GPR21: variants seen among roughly 807,000 people sequenced by gnomAD.
GPR21 encodes the protein probable G protein-coupled receptor 21.
A neutral mutation model predicts 21.5 loss-of-function variants in GPR21; 9 were observed. The ratio of observed to expected loss-of-function variants is 0.42; its 90% confidence interval spans 0.25 to 0.73. The LOEUF (loss-of-function observed/expected upper bound fraction) is 0.73. Among genes scored for constraint, GPR21 ranks in the 30% least tolerant of loss-of-function variants. GPR21 has a pLI of 0.27. For missense variants in GPR21, 416 were observed against 428.9 expected, an observed-to-expected ratio of 0.97 and a Z score of 0.27; for synonymous variants, 169 against 159.3, an observed-to-expected ratio of 1.06 and a Z score of -0.46.
In GPR21 at chr9:123,034,274, C is replaced by G. The variant is rs958839066; in HGVS notation, c.-293C>G. 2.3e-6 allele frequency: 1 copy of G among 439,830 alleles called. No individual in the cohort carries two copies. The highest frequency in any genetic ancestry group is 4.0e-6 in the Non-Finnish European group (1 of 250,792). 27.2% of individuals were successfully genotyped at this position (439,830 alleles called of 1,614,324 possible). A position where few individuals can be genotyped will look rare whatever the true frequency, so the allele number is the denominator to read the frequency against. On this transcript the variant is annotated 5_prime_UTR_variant, in exon 2 of 2. Coordinates refer to ENST00000616002, the MANE Select transcript of GPR21 (RefSeq NM_005294.3). ...CTCACTTGGCCTGAAGACGTTCTCC[C>G]CAGAGTTTACCTTGCTCCCCTGGTG...
chr9:123,039,929 T>A (rs1184134347), downstream of GPR21, among the ~76,000 whole-genome samples: 1 of 152,216 alleles, frequency 6.6e-6, no homozygotes, highest in Non-Finnish European at 1.5e-5. Context: ...CTATTGGTCA[T>A]GTATCCAGAA....
At chr9:123,037,702 T>C (rs2032734596), downstream of GPR21, among the ~76,000 whole-genome samples, 1 of 152,200 alleles carries the variant, frequency 6.6e-6, no homozygotes, top group Non-Finnish European at 1.5e-5. Flanking sequence ...TGATATTAAA[T>C]CAGCAGGTTT....
the GPR21 span, among the ~76,000 whole-genome samples, chr9:123,048,026 G>A: frequency 1.5e-5 from 2 of 131,960 alleles, no homozygotes; most frequent in East Asian, 2.4e-4. Context: ...GCGAACCTCC[G>A]CCTCCCAGGT....
chr9:123,042,713 G>T, the GPR21 span, among the ~76,000 whole-genome samples: 2 of 152,154 alleles, frequency 1.3e-5, no homozygotes, highest in East Asian at 3.9e-4. Context: ...GAACCCAATA[G>T]CTGACTAACA....
rs1223172719 is a variant in GPR21 at position 123,034,226 on chromosome 9, C to G, written c.-341C>G. The G allele has an allele frequency of 9.6e-6, 3 of 311,034 alleles. No homozygotes were observed. Among genetic ancestry groups the G allele is most frequent in the Non-Finnish European group, 1.8e-5 (3 of 171,188 alleles). The allele number at this position is 311,034 out of a possible 1,614,324, so 19.3% of individuals were successfully genotyped here. A position where few individuals can be genotyped will look rare whatever the true frequency, so the allele number is the denominator to read the frequency against. On this transcript the variant is annotated 5_prime_UTR_variant, in exon 2 of 2. Coordinates refer to ENST00000616002, the MANE Select transcript of GPR21 (RefSeq NM_005294.3). ...CTGAAGCTCCTAATCTTCTTCCCTT[C>G]TCTTCTACCCTTTCCCCCTACCCTC...
chr9:123,043,657 G>A, the GPR21 span, among the ~76,000 whole-genome samples: 3 of 148,756 alleles, frequency 2.0e-5, no homozygotes, highest in Non-Finnish European at 4.5e-5. Flanking sequence ...AGGAGGGTGG[G>A]TGTAACAGAG....
At chr9:123,049,095 T>G in the GPR21 span, among the ~76,000 whole-genome samples, 4 of 152,360 alleles carry the variant, frequency 2.6e-5, no homozygotes, top group East Asian at 7.7e-4. Context: ...AGCCATCTTT[T>G]CTGAGGAAGT....
At chr9:123,047,373 T>C in the GPR21 span, among the ~76,000 whole-genome samples, 1 of 152,214 alleles carries the variant, frequency 6.6e-6, no homozygotes, top group African/African-American at 2.4e-5. Flanking sequence ...TCATAAGTTG[T>C]CTAGTAACTT....
chr9:123,038,667 C>T (rs536732526), downstream of GPR21, among the ~76,000 whole-genome samples: 3 of 151,724 alleles, frequency 2.0e-5, no homozygotes, highest in Admixed American at 1.3e-4. Context: ...TTTTTGAAGT[C>T]CTCATAAATC....
the GPR21 span, among the ~76,000 whole-genome samples, chr9:123,045,006 A>G: frequency 6.6e-6 from 1 of 152,254 alleles, no homozygotes; most frequent in Admixed American, 6.5e-5. Flanking sequence ...TTTGCAAATT[A>G]AAAAACCTAT....
At chr9:123,040,670 T>A in the GPR21 span, among the ~76,000 whole-genome samples, 3 of 152,194 alleles carry the variant, frequency 2.0e-5, no homozygotes, top group East Asian at 5.8e-4. Flanking sequence ...TTATGATTTT[T>A]TTATTATTCA....
rs931181832 is a variant in GPR21 at position 123,035,154 on chromosome 9, G to T, written c.588G>T (p.Val196=). ...HTDSYFTLFI[V]MMLYAPAALI... is the part of the protein sequence containing the mutation. ...ACTCCTACTTCACCCTGTTCATCGT[G>T]ATGATGTTATATGCCCCAGCAGCCC... The change falls in exon 2 of 2, where the codon GTG becomes GTT. Residue 196 remains valine (V), a synonymous_variant. Transcript: ENST00000616002. The T allele has an allele frequency of 1.9e-6, 3 of 1,614,028 alleles. No homozygotes were observed. The African/African-American group carries it at 4.0e-5, about 22-fold the overall frequency.
At chr9:123,046,390 C>G in the GPR21 span, among the ~76,000 whole-genome samples, 1 of 152,000 alleles carries the variant, frequency 6.6e-6, no homozygotes. Flanking sequence ...GCTTAAAAGG[C>G]CTGATGAAGG....
downstream of GPR21, among the ~76,000 whole-genome samples, chr9:123,036,440 GC>G (rs1430040962): frequency 6.6e-6 from 1 of 152,172 alleles, no homozygotes; most frequent in Non-Finnish European, 1.5e-5. Context: ...ATGTGCTTAA[GC>G]TAAAAAGTAA....
In GPR21 at chr9:123,034,748, A is replaced by G; in HGVS notation, c.182A>G (p.His61Arg). ...FVFHCAPLLN[H>R]HTTSYFIQTM... The stretch of plus-strand genomic sequence containing the variant: ...TTTCACTGTGCACCTTTGTTGAACC[A>G]TCACACTACAAGTTATTTTATCCAG... Residue 61 changes from histidine to arginine, a missense_variant, in exon 2 of 2, where the codon CAT (histidine) becomes CGT (arginine). His to Arg is a conservative substitution (Grantham distance 29). Coordinates refer to ENST00000616002, the MANE Select transcript of GPR21 (RefSeq NM_005294.3). 1 of 1,613,948 alleles carries G rather than the reference A, an allele frequency of 6.2e-7. No individual in the cohort carries two copies. Among genetic ancestry groups the G allele is most frequent in the Non-Finnish European group, 8.5e-7 (1 of 1,179,796 alleles).
At chr9:123,044,899 G>C in the GPR21 span, among the ~76,000 whole-genome samples, 1 of 152,024 alleles carries the variant, frequency 6.6e-6, no homozygotes, top group Non-Finnish European at 1.5e-5. Context: ...AAAGTATCCA[G>C]CTGGACAGAA....
the GPR21 span, among the ~76,000 whole-genome samples, chr9:123,044,124 C>T: frequency 1.3e-5 from 2 of 151,906 alleles, no homozygotes; most frequent in Non-Finnish European, 2.9e-5. Flanking sequence ...AGGATGGTCT[C>T]GATCTTCTGA....
At chr9:123,036,839 T>C (rs567575988), downstream of GPR21, among the ~76,000 whole-genome samples, 14 of 152,046 alleles carry the variant, frequency 9.2e-5, no homozygotes, top group Admixed American at 6.5e-5. Flanking sequence ...CCTGCCAAAG[T>C]ACTAGAAAAA....
At chr9:123,035,639 CGTGTGTGTGTGTGTGTGTGTGTGTGT>C (rs5900552) in exon 2 of GPR21, 8 of 733,280 alleles carry the variant, frequency 1.1e-5, no homozygotes, top group Non-Finnish European at 1.3e-5. Context: ...ACGGGGTTCC[CGTGTGTGTGTGTGTGTGTGTGTGTGT>C]GTGTGTGTGT....
Sources: allele counts gnomAD v4.1 joint callset (sites outside exome capture counted in the v4.1 genomes callset), GRCh38; gene constraint gnomAD v4.1.1; transcripts MANE v1.5; gene names NCBI Gene and HGNC (gene_info 2026-07-23, HGNC 2026-07-21).